PRKAG2: variants seen among roughly 807,000 people sequenced by gnomAD.
PRKAG2 encodes protein kinase AMP-activated non-catalytic subunit gamma 2, also known as 5'-AMP-activated protein kinase subunit gamma-2.
Under a neutral mutation model 69.6 loss-of-function variants are expected in PRKAG2, and 26 were observed. The ratio of observed to expected loss-of-function variants is 0.37; its 90% CI spans 0.27 to 0.52. The LOEUF (loss-of-function observed/expected upper bound fraction) is 0.52, where lower values mean the gene tolerates loss of function less well. Among genes scored for constraint, PRKAG2 ranks in the 20% least tolerant of loss-of-function variants. The pLI is 0.90. For synonymous variants in PRKAG2, 293 were observed against 285.0 expected, an observed-to-expected ratio of 1.03 and a Z score of -0.28; for missense variants, 557 against 740.0, an observed-to-expected ratio of 0.75 and a Z score of 2.87.
intron 5 of PRKAG2, among the ~76,000 whole-genome samples, chr7:151,601,881 C>T (rs1816167038): frequency 6.6e-6 from 1 of 152,240 alleles, no homozygotes; most frequent in Non-Finnish European, 1.5e-5. Context: ...CATCACACTG[C>T]CACCAGCACT....
At position 151,814,704 on chromosome 7, in the gene PRKAG2, G is replaced by A. The variant is rs932452042; in HGVS notation, c.115-28163C>T. ...CAGTCCCCAAGGCAGCGCAACAAGCGGCTGGCAGACAGCATGGGCTGGCCT... is the reference window on the plus strand; with the variant it reads ...CAGTCCCCAAGGCAGCGCAACAAGCAGCTGGCAGACAGCATGGGCTGGCCT... On this transcript the variant is annotated intron_variant, in intron 1 of 15. Transcript: ENST00000287878. The surrounding 1 kb of genome is among the most constrained non-coding windows in gnomAD (Gnocchi z 4.8). 7.3e-6 allele frequency: 9 copies of A among 1,231,652 alleles called. No individual in the cohort carries two copies. Among genetic ancestry groups the A allele is most frequent in the South Asian group, 4.1e-5 (1 of 24,328 alleles). 76.3% of individuals were successfully genotyped at this position (1,231,652 alleles called of 1,614,324 possible). A position where few individuals can be genotyped will look rare whatever the true frequency, so the allele number is the denominator to read the frequency against.
At chr7:151,839,599 C>T (rs932789339) in intron 1 of PRKAG2, among the ~76,000 whole-genome samples, 1 of 152,236 alleles carries the variant, frequency 6.6e-6, no homozygotes, top group Non-Finnish European at 1.5e-5. Flanking sequence ...GCTTCACCCA[C>T]GAGAATTCCT....
intron 5 of PRKAG2, among the ~76,000 whole-genome samples, chr7:151,622,579 A>G (rs1821801049): frequency 6.6e-6 from 1 of 152,216 alleles, no homozygotes; most frequent in Non-Finnish European, 1.5e-5. Context: ...AAGCATCTAG[A>G]CCAACCCTAG....
chr7:151,830,780 G>T (rs2079006207), intron 1 of PRKAG2, among the ~76,000 whole-genome samples: 1 of 115,512 alleles, frequency 8.7e-6, no homozygotes, highest in Non-Finnish European at 2.0e-5. Flanking sequence ...TTAGGATGGG[G>T]GCGGGGCGGG....
At chr7:151,673,926 T>C (rs145308848) in intron 4 of PRKAG2, among the ~76,000 whole-genome samples, 2 of 143,128 alleles carry the variant, frequency 1.4e-5, no homozygotes, top group African/African-American at 5.2e-5. Flanking sequence ...CACTGCAACC[T>C]CTGCCTCTGG....
At chr7:151,789,698 G>A (rs2077181399) in intron 1 of PRKAG2, among the ~76,000 whole-genome samples, 1 of 152,200 alleles carries the variant, frequency 6.6e-6, no homozygotes, top group Non-Finnish European at 1.5e-5. Context: ...AAAGTTCTCA[G>A]CCCTGGCTGC....
At chr7:151,799,608 G>A (rs537719174) in intron 1 of PRKAG2, among the ~76,000 whole-genome samples, 10 of 152,304 alleles carry the variant, frequency 6.6e-5, no homozygotes, top group Admixed American at 2.6e-4. Flanking sequence ...CCACGCAGGC[G>A]GCAGCCGCTC....
chr7:151,665,913 A>G (rs1830983130), intron 4 of PRKAG2, among the ~76,000 whole-genome samples: 2 of 152,186 alleles, frequency 1.3e-5, no homozygotes, highest in Admixed American at 1.3e-4. Context: ...TCACATAACA[A>G]CCTTGAAAGA....
At position 151,642,025 on chromosome 7, in the gene PRKAG2, C is replaced by CTT. The variant is rs1336729406; in HGVS notation, c.685-9889_685-9888dup. ...CCTGGGCAACATAGGGAGACCCCATCTTTAAAAAAAAAAAAAAAAAAAAAA... is the reference window on the plus strand; with the variant it reads ...CCTGGGCAACATAGGGAGACCCCATCTTTTTAAAAAAAAAAAAAAAAAAAAAA... On this transcript the variant is annotated intron_variant, in intron 4 of 15. Transcript: ENST00000287878. 1.9e-4 allele frequency among the ~76,000 whole-genome samples: 20 copies of CTT among 104,268 alleles called. 1 individual carries two copies. The highest frequency in any genetic ancestry group is 7.8e-4 in the African/African-American group (20 of 25,642). 68.4% of individuals were successfully genotyped at this position (104,268 alleles called of 152,430 possible). A position where few individuals can be genotyped will look rare whatever the true frequency, so the allele number is the denominator to read the frequency against.
intron 1 of PRKAG2, among the ~76,000 whole-genome samples, chr7:151,798,783 C>T (rs2077684124): frequency 6.6e-6 from 1 of 152,176 alleles, no homozygotes; most frequent in Non-Finnish European, 1.5e-5. Context: ...CTGTCCTCCT[C>T]TCCTGGCTGA....
At chr7:151,703,845 AACACACACACACAC>A (rs535818189) in intron 3 of PRKAG2, among the ~76,000 whole-genome samples, 1,652 of 88,536 alleles carry the variant, frequency 0.019, 14 homozygotes, top group Middle Eastern at 0.047. Context: ...TTTACTGGAA[AACACACACACACAC>A]ACACACACAC....
intron 3 of PRKAG2, among the ~76,000 whole-genome samples, chr7:151,717,710 C>A (rs1441159158): frequency 6.6e-6 from 1 of 152,182 alleles, no homozygotes; most frequent in Non-Finnish European, 1.5e-5. Context: ...TGCCTGCCAA[C>A]TGGGATGAAA....
intron 1 of PRKAG2, among the ~76,000 whole-genome samples, chr7:151,854,374 G>A (rs2079653185): frequency 6.6e-6 from 1 of 152,262 alleles, no homozygotes; most frequent in African/African-American, 2.4e-5. Flanking sequence ...ACACGGACCA[G>A]CTGGATGCTT....
At chr7:151,764,568 G>T (rs1433529616) in intron 3 of PRKAG2, among the ~76,000 whole-genome samples, 1 of 152,250 alleles carries the variant, frequency 6.6e-6, no homozygotes, top group Non-Finnish European at 1.5e-5. Context: ...GAGCGGGGAA[G>T]TGCCTAGAGG....
rs2079130598 is a variant in PRKAG2 at position 151,835,702 on chromosome 7, G to A, written c.114+40805C>T. Among the ~76,000 whole-genome samples, 1 of 152,174 alleles carries A rather than the reference G, an allele frequency of 6.6e-6. No individual in the cohort carries two copies. The highest frequency in any genetic ancestry group is 1.5e-5 in the Non-Finnish European group (1 of 68,026). ...CAGACACACAAGGAGACTGACCCAG[G>A]TCCTGTTGCAGGACAGTCACCCAGC... is the stretch of plus-strand genomic sequence containing the variant. On this transcript the variant is annotated intron_variant, in intron 1 of 15. Coordinates refer to ENST00000287878, the MANE Select transcript of PRKAG2 (RefSeq NM_016203.4). The surrounding 1 kb of genome is among the most constrained non-coding windows in gnomAD (Gnocchi z 4.1).
chr7:151,863,547 T>C (rs2079988327), intron 1 of PRKAG2, among the ~76,000 whole-genome samples: 1 of 152,092 alleles, frequency 6.6e-6, no homozygotes, highest in African/African-American at 2.4e-5. Context: ...AGGCACAGAC[T>C]CACCAGCTGA....
In PRKAG2 at chr7:151,855,108, C is replaced by T. The variant is rs1482835485; in HGVS notation, c.114+21399G>A. Among the ~76,000 whole-genome samples, 2 of 57,166 alleles carry T rather than the reference C, an allele frequency of 3.5e-5. 1 individual carries two copies. Among genetic ancestry groups the T allele is most frequent in the Non-Finnish European group, 6.3e-5 (2 of 31,620 alleles). 37.5% of individuals were successfully genotyped at this position (57,166 alleles called of 152,430 possible). On this transcript the variant is annotated intron_variant, in intron 1 of 15. Coordinates refer to ENST00000287878, the MANE Select transcript of PRKAG2 (RefSeq NM_016203.4). ...CACACACACCATCCTCCACACACAC[C>T]ACCCTACACACACACCATCCTCCAC...
chr7:151,660,834 T>A (rs950598239), intron 4 of PRKAG2, among the ~76,000 whole-genome samples: 1 of 152,166 alleles, frequency 6.6e-6, no homozygotes, highest in Non-Finnish European at 1.5e-5. Context: ...TTCCAGGAAG[T>A]TTTAATTTTC....
chr7:151,814,908 G>T lies in PRKAG2; in HGVS notation c.115-28367C>A. ...AGCAAGCCAGCAGGAGGGAGGGCTG[G>T]ACCGGAGCTTTTAAAAAGACAGGCA... On this transcript the variant is annotated intron_variant, in intron 1 of 15. Coordinates refer to ENST00000287878, the MANE Select transcript of PRKAG2 (RefSeq NM_016203.4). This position sits in a 1 kb window ranked among gnomAD's most constrained non-coding sequence, Gnocchi z 4.8. The T allele has an allele frequency of 1.6e-6, 2 of 1,226,304 alleles. No homozygotes were observed. The highest frequency in any genetic ancestry group is 8.4e-5 in the South Asian group (2 of 23,742). The allele number at this position is 1,226,304 out of a possible 1,614,324, so 76.0% of individuals were successfully genotyped here.
Sources: allele counts gnomAD v4.1 joint callset (sites outside exome capture counted in the v4.1 genomes callset), GRCh38; gene constraint gnomAD v4.1.1; non-coding constraint Gnocchi (gnomAD v3.1); transcripts MANE v1.5; gene names NCBI Gene and HGNC (gene_info 2026-07-23, HGNC 2026-07-21).